LYPD8: variants seen among roughly 807,000 people sequenced by gnomAD.
LYPD8 encodes the protein ly6/PLAUR domain-containing protein 8.
A neutral mutation model predicts 1.7 loss-of-function variants in LYPD8; 8 were observed. The observed-to-expected ratio is 4.58, with a 90% CI of 2.69 to 8.27. The LOEUF (loss-of-function observed/expected upper bound fraction) is 8.27, where lower values mean the gene tolerates loss of function less well. Ranked by LOEUF, LYPD8 falls within the 30% of genes most tolerant of loss-of-function variation. The probability of loss-of-function intolerance (pLI) is 0.00; values close to 1 mark genes in which losing one functional copy is unlikely to be tolerated. For missense variants in LYPD8, 112 were observed against 102.3 expected (o/e 1.09, Z -0.41); for synonymous variants, 50 against 43.6 (o/e 1.15, Z -0.58).
intron 5 of LYPD8, 99 bp from the exon 6 acceptor site, chr1:248,745,378 C>A (rs901761249): frequency 2.5e-6 from 1 of 395,256 alleles, no homozygotes; most frequent in South Asian, 1.4e-4. Flanking sequence ...GATCGGAGAA[C>A]GGAGCAATGA....
chr1:248,741,683 T>C (rs1662602754), intron 6 of LYPD8, among the ~76,000 whole-genome samples: 1 of 151,350 alleles, frequency 6.6e-6, no homozygotes, highest in Non-Finnish European at 1.5e-5. Flanking sequence ...ATCGATCCCT[T>C]TTATCAGAGC....
intron 2 of LYPD8, among the ~76,000 whole-genome samples, chr1:248,751,788 C>T (rs947547066): frequency 1.3e-5 from 2 of 152,164 alleles, no homozygotes; most frequent in South Asian, 4.1e-4. Flanking sequence ...AGCCCACACT[C>T]CCTTCCACTA....
At chr1:248,742,893 G>T (rs1426397213) in intron 6 of LYPD8, among the ~76,000 whole-genome samples, 1 of 116,186 alleles carries the variant, frequency 8.6e-6, no homozygotes, top group Non-Finnish European at 1.7e-5. Context: ...GGTAGATTAC[G>T]CTCTGGTGGG....
In LYPD8 at chr1:248,751,128, A is replaced by G; in HGVS notation, c.-47T>C. 2.5e-6 allele frequency: 1 copy of G among 398,654 alleles called. No homozygotes were observed. The highest frequency in any genetic ancestry group is 4.4e-6 in the Non-Finnish European group (1 of 226,086). The allele number at this position is 398,654 out of a possible 1,614,324, so 24.7% of individuals were successfully genotyped here. Reference sequence around the variant, plus strand: ...CAAGGATGGGGACCACAGGGCCTCAAGCCTGAAAAGACACAAAGAAGGCAG... The same window carrying G: ...CAAGGATGGGGACCACAGGGCCTCAGGCCTGAAAAGACACAAAGAAGGCAG... On this transcript the variant is annotated splice_region_variant and 5_prime_UTR_variant, in exon 3 of 7. Coordinates refer to ENST00000590317, the MANE Select transcript of LYPD8 (RefSeq NM_001085474.2).
At chr1:248,742,086 C>T (rs1425801337) in intron 6 of LYPD8, among the ~76,000 whole-genome samples, 2 of 152,202 alleles carry the variant, frequency 1.3e-5, no homozygotes, top group Admixed American at 6.5e-5. Context: ...CAAGGGGGAA[C>T]CTTAATGTAA....
chr1:248,751,415 T>G (rs1662800085), intron 2 of LYPD8, among the ~76,000 whole-genome samples: 1 of 152,122 alleles, frequency 6.6e-6, no homozygotes, highest in Non-Finnish European at 1.5e-5. Context: ...GCAGATTAAT[T>G]TTTAGTTTCA....
At chr1:248,752,726 C>A (rs1662825326) in intron 2 of LYPD8, among the ~76,000 whole-genome samples, 2 of 116,742 alleles carry the variant, frequency 1.7e-5, no homozygotes, top group African/African-American at 3.7e-5. Context: ...CCACTGAACA[C>A]ACACACATCA....
At position 248,750,642 on chromosome 1, in the gene LYPD8, T is replaced by C. The variant is rs1447790367; in HGVS notation, c.54A>G (p.Glu18=). 5.0e-6 allele frequency: 2 copies of C among 398,412 alleles called. No homozygotes were observed. The highest frequency in any genetic ancestry group is 4.1e-5 in the African/African-American group (2 of 48,594). The allele number at this position is 398,412 out of a possible 1,614,324, so 24.7% of individuals were successfully genotyped here. ...AATTACACTGCACGCAGCTCAGAGA[T>C]TCTGAGGAGACAAGACATCCAACAC... ...GITAVLVAAV[E]SLSCVQCNSW... The change falls in exon 4 of 7, where the codon GAA becomes GAG. Residue 18 remains glutamate, a splice_region_variant and synonymous_variant. Transcript: ENST00000590317.
intron 6 of LYPD8, among the ~76,000 whole-genome samples, chr1:248,744,027 T>C (rs74365093): frequency 2.0e-5 from 3 of 152,254 alleles, no homozygotes; most frequent in Admixed American, 6.5e-5. Flanking sequence ...TAAGACAGTG[T>C]ATACTGATAG....
At chr1:248,753,496 CACACA>C (rs1208572773) in intron 2 of LYPD8, among the ~76,000 whole-genome samples, 5 of 130,210 alleles carry the variant, frequency 3.8e-5, no homozygotes, top group Admixed American at 7.7e-5. Context: ...CATCACACAA[CACACA>C]ACACAACACA....
intron 2 of LYPD8, among the ~76,000 whole-genome samples, chr1:248,752,643 CA>C (rs1662821259): frequency 3.0e-5 from 2 of 67,220 alleles, no homozygotes; most frequent in South Asian, 1.7e-3. Flanking sequence ...ACACCCCACA[CA>C]ACACACAACA....
At chr1:248,751,875 G>C (rs1257762252) in intron 2 of LYPD8, among the ~76,000 whole-genome samples, 1 of 152,128 alleles carries the variant, frequency 6.6e-6, no homozygotes, top group African/African-American at 2.4e-5. Flanking sequence ...CAAATAGCGT[G>C]TCACCAATGT....
intron 6 of LYPD8, among the ~76,000 whole-genome samples, chr1:248,743,522 C>T (rs114558166): frequency 0.011 from 1,640 of 152,288 alleles, 23 homozygotes; most frequent in African/African-American, 0.026. Flanking sequence ...TGGTGCTTGA[C>T]GCCGCTGAAA....
intron 2 of LYPD8, among the ~76,000 whole-genome samples, chr1:248,753,285 ACACACACCACACACAC>A (rs1372668836): frequency 9.6e-6 from 1 of 104,456 alleles, no homozygotes; most frequent in African/African-American, 4.3e-5. Flanking sequence ...CACACAACAC[ACACACACCACACACAC>A]CACACACCCC....
Position 248,739,628 on chromosome 1 carries a change from G to A in LYPD8, c.697C>T (p.Arg233Trp), listed in dbSNP as rs781798219. 137 of 1,551,488 alleles carry A rather than the reference G, an allele frequency of 8.8e-5. No homozygotes were observed. The highest frequency in any genetic ancestry group is 5.0e-4 in the Middle Eastern group (3 of 5,942). ...CCAGGACCTCAGGGCAGCAGTCCCC[G>A]AAGAAGGAGGCTGGCAAGGGCCAAG... The part of the protein sequence containing the change: ...YLLALASLLL[R>W]GLLP Residue 233 changes from arginine (R) to tryptophan (W), a missense_variant, in exon 7 of 7, where the codon CGG becomes TGG. Coordinates refer to ENST00000590317, the MANE Select transcript of LYPD8 (RefSeq NM_001085474.2). The surrounding 1 kb of genome is among the most constrained non-coding windows in gnomAD (Gnocchi z 4.3).
chr1:248,749,193 T>C (rs1662757577), intron 4 of LYPD8, among the ~76,000 whole-genome samples: 1 of 152,120 alleles, frequency 6.6e-6, no homozygotes, highest in African/African-American at 2.4e-5. Flanking sequence ...CCAATAGGAT[T>C]GAACAAAAAA....
chr1:248,754,476 C>A (rs1278724232), intron 2 of LYPD8, among the ~76,000 whole-genome samples: 1 of 151,438 alleles, frequency 6.6e-6, no homozygotes, highest in Non-Finnish European at 1.5e-5. Context: ...ATATCACACA[C>A]ACATCACACA....
intron 2 of LYPD8, among the ~76,000 whole-genome samples, chr1:248,754,519 G>C (rs1023675765): frequency 6.8e-5 from 10 of 147,316 alleles, no homozygotes; most frequent in Admixed American, 1.4e-4. Flanking sequence ...TCCACACACA[G>C]AGACACATAC....
At chr1:248,741,559 A>C (rs1233821810) in intron 6 of LYPD8, among the ~76,000 whole-genome samples, 2 of 152,168 alleles carry the variant, frequency 1.3e-5, no homozygotes, top group Non-Finnish European at 2.9e-5. Flanking sequence ...GAACATTTCT[A>C]CTGTATTAAA....
Sources: allele counts gnomAD v4.1 joint callset (sites outside exome capture counted in the v4.1 genomes callset), GRCh38; gene constraint gnomAD v4.1.1; non-coding constraint Gnocchi (gnomAD v3.1); transcripts MANE v1.5; gene names NCBI Gene and HGNC (gene_info 2026-07-23, HGNC 2026-07-21).